Variants in CALCR observed in about 807,000 individuals in gnomAD.
CALCR encodes calcitonin receptor.
In CALCR, 47 loss-of-function variants were observed where a neutral mutation model predicts 59.5. The ratio of observed to expected loss-of-function variants is 0.79; its 90% confidence interval spans 0.63 to 1.01. CALCR has a LOEUF of 1.01. CALCR is among the 50% of genes least tolerant of loss of function. The pLI is 0.00. For synonymous variants in CALCR, 213 were observed against 211.3 expected (o/e 1.01, Z -0.07); for missense variants, 566 against 597.1 (o/e 0.95, Z 0.54).
At chr7:93,506,611 T>A (rs1801431061) in intron 2 of CALCR, among the ~76,000 whole-genome samples, 2 of 152,180 alleles carry the variant, frequency 1.3e-5, no homozygotes, top group Admixed American at 6.5e-5. Flanking sequence ...CTCAATTGTT[T>A]GTTGAACTAT....
intron 2 of CALCR, among the ~76,000 whole-genome samples, chr7:93,554,783 A>G (rs1367130745): frequency 4.9e-5 from 7 of 144,320 alleles, no homozygotes; most frequent in Admixed American, 1.4e-4. Flanking sequence ...ATATATATAT[A>G]TATATATATT....
intron 2 of CALCR, among the ~76,000 whole-genome samples, chr7:93,538,544 C>T (rs1265984642): frequency 6.6e-6 from 1 of 152,056 alleles, no homozygotes; most frequent in African/African-American, 2.4e-5. Context: ...TCCCTTAATA[C>T]TGAAATCATT....
intron 2 of CALCR, among the ~76,000 whole-genome samples, chr7:93,495,621 C>T (rs894473425): frequency 6.6e-6 from 1 of 151,332 alleles, no homozygotes; most frequent in Non-Finnish European, 1.5e-5. Flanking sequence ...TAGTCATGCC[C>T]TCCTTGAATA....
intron 7 of CALCR, among the ~76,000 whole-genome samples, chr7:93,466,496 T>C (rs939775555): frequency 6.6e-6 from 1 of 151,926 alleles, no homozygotes; most frequent in African/African-American, 2.4e-5. Context: ...AAAACAAGTA[T>C]AAAAATTTTA....
chr7:93,556,932 A>G (rs1544360), intron 2 of CALCR, among the ~76,000 whole-genome samples: 102,374 of 151,802 alleles, frequency 0.67, 36,005 homozygotes, highest in African/African-American at 0.89. Context: ...AGAAATGCTG[A>G]GCCAAAGCAT....
intron 2 of CALCR, among the ~76,000 whole-genome samples, chr7:93,490,594 C>A (rs1584579368): frequency 6.6e-6 from 1 of 151,818 alleles, no homozygotes; most frequent in East Asian, 1.9e-4. Flanking sequence ...AAATTACAAG[C>A]ATTCCTTTAA....
chr7:93,476,864 T>G (rs1449080748), intron 5 of CALCR, among the ~76,000 whole-genome samples: 1 of 151,928 alleles, frequency 6.6e-6, no homozygotes, highest in African/African-American at 2.4e-5. Flanking sequence ...CAAAGCCCTT[T>G]CTTTCTTCAC....
At chr7:93,470,235 T>C (rs1039229306) in intron 6 of CALCR, among the ~76,000 whole-genome samples, 6 of 150,304 alleles carry the variant, frequency 4.0e-5, no homozygotes, top group African/African-American at 7.3e-5. Flanking sequence ...GGTAGCTTTC[T>C]TGGGAGGGAT....
chr7:93,499,173 A>T (rs1307283853), intron 2 of CALCR, among the ~76,000 whole-genome samples: 1 of 151,768 alleles, frequency 6.6e-6, no homozygotes, highest in Non-Finnish European at 1.5e-5. Flanking sequence ...CAAGATAGCA[A>T]TGTATAGATA....
intron 2 of CALCR, among the ~76,000 whole-genome samples, chr7:93,540,411 TTTTG>T (rs1333819419): frequency 2.0e-5 from 3 of 152,162 alleles, no homozygotes; most frequent in Admixed American, 2.0e-4. Flanking sequence ...TGTAATAAAA[TTTTG>T]TTTGAATTGA....
intron 5 of CALCR, among the ~76,000 whole-genome samples, chr7:93,473,718 A>G (rs897517448): frequency 6.6e-6 from 1 of 151,388 alleles, no homozygotes; most frequent in South Asian, 2.1e-4. Flanking sequence ...AGCTTACACT[A>G]AAATATTTTG....
chr7:93,436,027 G>C lies in CALCR; in HGVS notation c.1074C>G (p.Val358=), dbSNP rs201556343. ...LVPLLGIQFV[V]FPWRPSNKML... is the part of the protein sequence containing the mutation. ...TCTTGTTGGAAGGTCTCCAGGGAAA[G>C]ACGACAAACTGGATTCCCAGCAGGG... Residue 358 remains valine, a synonymous_variant, in exon 12 of 14, where the codon GTC becomes GTG. Transcript: ENST00000426151. 7 of 1,613,696 alleles carry C rather than the reference G, an allele frequency of 4.3e-6. No individual in the cohort carries two copies. The highest frequency in any genetic ancestry group is 5.1e-6 in the Non-Finnish European group (6 of 1,179,752).
chr7:93,428,776 G>C (rs910659622), intron 13 of CALCR, among the ~76,000 whole-genome samples: 1 of 135,856 alleles, frequency 7.4e-6, no homozygotes, highest in Non-Finnish European at 1.5e-5. Flanking sequence ...AACAGAGCGA[G>C]ACTCCGTCTC....
intron 2 of CALCR, among the ~76,000 whole-genome samples, chr7:93,569,553 T>C (rs1253428045): frequency 1.3e-5 from 2 of 152,140 alleles, no homozygotes; most frequent in Non-Finnish European, 2.9e-5. Context: ...TCCGGGCTGG[T>C]TGTCCGGCTA....
At chr7:93,486,848 T>C in intron 3 of CALCR, 83 bp downstream of exon 3, 2 of 873,180 alleles carry the variant, frequency 2.3e-6, no homozygotes, top group South Asian at 3.0e-5. Flanking sequence ...CCCTTGCAAA[T>C]ACTAATTAAA....
At chr7:93,467,585 G>A (rs1800466206) in intron 7 of CALCR, among the ~76,000 whole-genome samples, 1 of 151,676 alleles carries the variant, frequency 6.6e-6, no homozygotes, top group African/African-American at 2.4e-5. Context: ...TTGCGGTAAA[G>A]TATAGATGTA....
chr7:93,425,410 TTATCTTTTAC>T lies in CALCR; in HGVS notation c.*936_*945del, dbSNP rs1197907768. 5.2e-5 allele frequency: 8 copies of T among 152,680 alleles called. No homozygotes were observed. The highest frequency in any genetic ancestry group is 1.9e-4 in the African/African-American group (8 of 41,562). 9.5% of individuals were successfully genotyped at this position (152,680 alleles called of 1,614,324 possible). The stretch of plus-strand genomic sequence containing the variant: ...TTTTAATTACCAATATTCAACAAAT[TTATCTTTTAC>T]TGCTAGATAGCACCCAAGGGCAAGA... On this transcript the variant is annotated 3_prime_UTR_variant, in exon 14 of 14. Transcript: ENST00000426151.
rs561564107 is a variant in CALCR at position 93,572,216 on chromosome 7, T to C, written c.-27+2073A>G. Among the ~76,000 whole-genome samples, 277 of 152,270 alleles carry C rather than the reference T, an allele frequency of 1.8e-3. 1 individual carries two copies. Among genetic ancestry groups the C allele is most frequent in the African/African-American group, 6.4e-3 (265 of 41,568 alleles). On this transcript the variant is annotated intron_variant, in intron 2 of 13. Transcript: ENST00000426151. ...ACATATATATGTATGTTTATACATA[T>C]ATGTTTCTTTTTTTTAAAGAAAAAA...
chr7:93,489,788 G>A (rs950223939), intron 2 of CALCR, among the ~76,000 whole-genome samples: 10 of 151,894 alleles, frequency 6.6e-5, no homozygotes, highest in Non-Finnish European at 1.0e-4. Context: ...ACCAAAAAAT[G>A]TCCAGGACCA....
Sources: allele counts gnomAD v4.1 joint callset (sites outside exome capture counted in the v4.1 genomes callset), GRCh38; gene constraint gnomAD v4.1.1; transcripts MANE v1.5; gene names NCBI Gene and HGNC (gene_info 2026-07-23, HGNC 2026-07-21).